The following UNC5C variants were observed in gnomAD, a reference collection of about 807,000 sequenced individuals.
UNC5C encodes netrin receptor UNC5C.
UNC5C carries 47 observed loss-of-function variants against 99.8 expected under a neutral mutation model. That is an observed-to-expected ratio of 0.47 (90% CI 0.37 to 0.60). The LOEUF (loss-of-function observed/expected upper bound fraction) is 0.60. Among genes scored for constraint, UNC5C ranks in the 20% least tolerant of loss-of-function variants. The probability of loss-of-function intolerance (pLI) is 0.00; values close to 1 mark genes in which losing one functional copy is unlikely to be tolerated. For synonymous variants in UNC5C, 487 were observed against 452.2 expected, an observed-to-expected ratio of 1.08 and a Z score of -0.98; for missense variants, 1,062 against 1,165.9, an observed-to-expected ratio of 0.91 and a Z score of 1.30.
intron 1 of UNC5C, among the ~76,000 whole-genome samples, chr4:95,496,385 T>G (rs935156388): frequency 4.6e-5 from 7 of 151,852 alleles, no homozygotes; most frequent in African/African-American, 1.7e-4. Context: ...AATTACACTA[T>G]CCCTAAATTT....
intron 4 of UNC5C, among the ~76,000 whole-genome samples, chr4:95,262,170 T>C (rs1740263123): frequency 6.6e-6 from 1 of 152,100 alleles, no homozygotes; most frequent in Non-Finnish European, 1.5e-5. Flanking sequence ...GTTGAGAAAA[T>C]AAGGGACTGT....
intron 1 of UNC5C, among the ~76,000 whole-genome samples, chr4:95,528,701 C>T (rs1263152550): frequency 3.3e-5 from 5 of 151,974 alleles, no homozygotes; most frequent in Admixed American, 1.3e-4. Context: ...AAGTAGAGAG[C>T]GACTCAAGAA....
chr4:95,492,308 C>A (rs1226426498), intron 1 of UNC5C, among the ~76,000 whole-genome samples: 1 of 151,212 alleles, frequency 6.6e-6, no homozygotes, highest in Non-Finnish European at 1.5e-5. Context: ...CTACTTCCGC[C>A]ATTTATTGTT....
intron 1 of UNC5C, among the ~76,000 whole-genome samples, chr4:95,545,608 C>A (rs964921922): frequency 3.3e-5 from 5 of 151,890 alleles, no homozygotes; most frequent in Non-Finnish European, 5.9e-5. Context: ...TAATTAGAGA[C>A]TTCAGTAATT....
intron 1 of UNC5C, among the ~76,000 whole-genome samples, chr4:95,411,985 T>G (rs369134387): frequency 5.6e-5 from 8 of 143,248 alleles, no homozygotes; most frequent in East Asian, 4.0e-4. Context: ...TGTGGAATGT[T>G]TTTTTTTTTT....
chr4:95,303,857 T>G (rs1306423357), intron 2 of UNC5C, among the ~76,000 whole-genome samples: 1 of 152,186 alleles, frequency 6.6e-6, no homozygotes, highest in East Asian at 1.9e-4. Context: ...TTCTTTATAG[T>G]TTAATAAGTT....
intron 1 of UNC5C, among the ~76,000 whole-genome samples, chr4:95,399,108 T>A (rs1051959605): frequency 6.6e-6 from 1 of 152,094 alleles, no homozygotes; most frequent in Admixed American, 6.6e-5. Context: ...TAGACAAAAT[T>A]GGGATAACAA....
intron 3 of UNC5C, among the ~76,000 whole-genome samples, chr4:95,283,110 C>T (rs749907465): frequency 3.3e-5 from 5 of 152,134 alleles, no homozygotes; most frequent in African/African-American, 4.8e-5. Context: ...GCACCATTAA[C>T]GGGCAGTGGG....
chr4:95,523,310 G>A (rs1262172371), intron 1 of UNC5C, among the ~76,000 whole-genome samples: 3 of 152,142 alleles, frequency 2.0e-5, no homozygotes, highest in Admixed American at 6.5e-5. Flanking sequence ...GCCTTTAGCC[G>A]CCAACAGGAC....
chr4:95,369,043 G>A (rs979911605), intron 1 of UNC5C, among the ~76,000 whole-genome samples: 19 of 151,842 alleles, frequency 1.3e-4, no homozygotes, highest in Non-Finnish European at 5.9e-5. Context: ...TTTGTTTGTA[G>A]AGATGGAGTC....
intron 4 of UNC5C, among the ~76,000 whole-genome samples, chr4:95,256,260 T>C (rs1739976099): frequency 6.6e-6 from 1 of 152,090 alleles, no homozygotes; most frequent in African/African-American, 2.4e-5. Context: ...ACCGCTGATC[T>C]CCAGACTCGT....
chr4:95,263,021 G>C (rs991585142), intron 4 of UNC5C, among the ~76,000 whole-genome samples: 1 of 151,936 alleles, frequency 6.6e-6, no homozygotes, highest in African/African-American at 2.4e-5. Context: ...CTCCATGTTG[G>C]TCAGGCTGGT....
chr4:95,219,063 C>T lies in UNC5C; in HGVS notation c.1551G>A (p.Leu517=). The T allele has an allele frequency of 6.2e-7, 1 of 1,614,152 alleles. No homozygotes were observed. Among genetic ancestry groups the T allele is most frequent in the Non-Finnish European group, 8.5e-7 (1 of 1,180,030 alleles). ...TCTGCCTTGCTAGACTCTGGTTCTT[C>T]AGGCTGAGGGCTTCATTCTCCAACA... The part of the protein sequence containing the change: ...QSLLENEALS[L]KNQSLARQTD... Residue 517 remains leucine, a synonymous_variant, in exon 9 of 16, where the codon CTG becomes CTA. Coordinates refer to ENST00000453304, the MANE Select transcript of UNC5C (RefSeq NM_003728.4).
intron 7 of UNC5C, among the ~76,000 whole-genome samples, chr4:95,227,137 A>G (rs986093611): frequency 3.3e-5 from 4 of 122,214 alleles, no homozygotes; most frequent in Non-Finnish European, 6.7e-5. Flanking sequence ...CTTTAAAACA[A>G]TGTTTTTTTT....
Position 95,206,780 on chromosome 4 carries a change from A to G in UNC5C, c.1750T>C (p.Ser584Pro). Residue 584 changes from serine to proline, a missense_variant, in exon 11 of 16, where the codon TCT becomes CCT. By Grantham distance (74) the Ser-to-Pro change is moderately conservative. Coordinates refer to ENST00000453304, the MANE Select transcript of UNC5C (RefSeq NM_003728.4). ...KETMRPPMDD[S>P]QTLLTPVVSC... ...ACCACAGGGGTCAAAAGTGTCTGAG[A>G]GTCATCCATGGGTGGCCTAGGAGGA... 1 of 1,605,820 alleles carries G rather than the reference A, an allele frequency of 6.2e-7. No homozygotes were observed. Among genetic ancestry groups the G allele is most frequent in the Non-Finnish European group, 8.5e-7 (1 of 1,176,338 alleles).
chr4:95,176,968 G>GA (rs1560714636), intron 14 of UNC5C, among the ~76,000 whole-genome samples: 1 of 140,354 alleles, frequency 7.1e-6, no homozygotes, highest in East Asian at 2.1e-4. Flanking sequence ...AAGCCCGTGG[G>GA]AAAAGCGCAG....
intron 1 of UNC5C, among the ~76,000 whole-genome samples, chr4:95,481,781 A>T (rs370789217): frequency 6.6e-6 from 1 of 151,980 alleles, no homozygotes; most frequent in African/African-American, 2.4e-5. Flanking sequence ...TTTAATAAAT[A>T]GTGCTGGGAA....
intron 1 of UNC5C, among the ~76,000 whole-genome samples, chr4:95,474,644 G>A (rs1748082155): frequency 6.6e-6 from 1 of 151,908 alleles, no homozygotes; most frequent in African/African-American, 2.4e-5. Context: ...TAATACCTTT[G>A]GGACCAGATA....
intron 1 of UNC5C, among the ~76,000 whole-genome samples, chr4:95,379,676 T>C (rs10222858): frequency 0.37 from 56,694 of 152,034 alleles, 11,093 homozygotes; most frequent in African/African-American, 0.44. Flanking sequence ...TTTTCACTGA[T>C]AGATCGACCT....
Sources: gnomAD v4.1 joint callset for allele counts (sites outside exome capture counted in the v4.1 genomes callset) on GRCh38, gnomAD v4.1.1 for gene constraint, MANE v1.5 for transcripts, NCBI Gene and HGNC (gene_info 2026-07-23, HGNC 2026-07-21) for gene names.